The following BRWD1 variants were observed in gnomAD, a reference collection of about 807,000 sequenced individuals.
The protein encoded by BRWD1 is bromodomain and WD repeat-containing protein 1.
In BRWD1, 82 loss-of-function variants were observed where a neutral mutation model predicts 251.2. That is an observed-to-expected ratio of 0.33 (90% CI 0.27 to 0.39). BRWD1 has a LOEUF of 0.39. BRWD1 is among the 10% of genes least tolerant of loss of function. BRWD1 has a pLI of 1.00. For missense variants in BRWD1, 2,233 were observed against 2,711.6 expected (o/e 0.82, Z 3.92); for synonymous variants, 918 against 902.8 (o/e 1.02, Z -0.30).
intron 29 of BRWD1, among the ~76,000 whole-genome samples, chr21:39,222,080 G>A (rs2033199920): frequency 6.6e-6 from 1 of 151,866 alleles, no homozygotes; most frequent in Non-Finnish European, 1.5e-5. Flanking sequence ...TGAAAAAATT[G>A]GAACCCACAT....
At chr21:39,311,167 A>T (rs2036470328) in intron 4 of BRWD1, among the ~76,000 whole-genome samples, 1 of 150,664 alleles carries the variant, frequency 6.6e-6, no homozygotes, top group South Asian at 2.1e-4. Flanking sequence ...ATTTATATAA[A>T]TTTTTTTTTT....
At position 39,199,398 on chromosome 21, in the gene BRWD1, T is replaced by A; in HGVS notation, c.5018A>T (p.Lys1673Met). ...HRNASAVARKKLLHNSEDEQS... is the reference protein window; with the variant it reads ...HRNASAVARKMLLHNSEDEQS... ...TTCATCTTCAGAATTATGTAATAAC[T>A]TTTTTCTAGCTACAGCAGAAGCATT... is the stretch of plus-strand genomic sequence containing the variant. Residue 1673 changes from lysine (K) to methionine (M), a missense_variant, in exon 40 of 41, where the codon AAG becomes ATG. By Grantham distance (95) the Lys-to-Met change is moderately conservative. Around this residue, in one of 12 missense-constraint regions of BRWD1, gnomAD observed 928 missense variants for 970.0 expected, o/e 0.96. Coordinates refer to ENST00000342449, the MANE Select transcript of BRWD1 (RefSeq NM_033656.4). 1 of 1,614,262 alleles carries A rather than the reference T, an allele frequency of 6.2e-7. No homozygotes were observed. The highest frequency in any genetic ancestry group is 8.5e-7 in the Non-Finnish European group (1 of 1,180,050).
chr21:39,223,308 A>C (rs2033254808), intron 29 of BRWD1, among the ~76,000 whole-genome samples: 1 of 152,104 alleles, frequency 6.6e-6, no homozygotes, highest in African/African-American at 2.4e-5. Flanking sequence ...AAGTTTTTTA[A>C]AGTGCTATAA....
In BRWD1 at chr21:39,196,410, C is replaced by G. The variant is rs371734391; in HGVS notation, c.6659G>C (p.Trp2220Ser). 4.3e-6 allele frequency: 7 copies of G among 1,613,660 alleles called. No individual in the cohort carries two copies. Among genetic ancestry groups the G allele is most frequent in the African/African-American group, 1.3e-5 (1 of 74,894 alleles). The change falls in exon 41 of 41, where the codon TGG becomes TCG. Residue 2220 changes from tryptophan (W) to serine (S), a missense_variant. Coordinates refer to ENST00000342449, the MANE Select transcript of BRWD1 (RefSeq NM_033656.4). ...RPRLSVDDND[W>S]EDLDYAKSKR... ...AGATTTTGCATAGTCCAAATCCTCC[C>G]AGTCATTATCATCCACACTTAACCT...
chr21:39,198,730 A>C (rs759428107), intron 40 of BRWD1, 33 bp downstream of exon 40: 6 of 1,515,768 alleles, frequency 4.0e-6, no homozygotes, highest in Non-Finnish European at 5.3e-6. Context: ...GGTGAGAGTC[A>C]ATCAGTGAAC....
intron 29 of BRWD1, 112 bp downstream of exon 29, chr21:39,224,296 T>A (rs1187338301): frequency 3.5e-6 from 2 of 565,994 alleles, no homozygotes; most frequent in Non-Finnish European, 5.9e-6. Flanking sequence ...TCAGTTACTG[T>A]AATAATTTGA....
intron 17 of BRWD1, among the ~76,000 whole-genome samples, chr21:39,262,660 A>G (rs2034792982): frequency 6.6e-6 from 1 of 151,916 alleles, no homozygotes; most frequent in African/African-American, 2.4e-5. Flanking sequence ...GGTTGCAGTG[A>G]GCCAAGATCA....
At chr21:39,287,161 T>C (rs997229676) in intron 8 of BRWD1, among the ~76,000 whole-genome samples, 1 of 152,234 alleles carries the variant, frequency 6.6e-6, no homozygotes, top group Non-Finnish European at 1.5e-5. Context: ...CATTATTATA[T>C]AATCCATATT....
rs373041595 is a variant in BRWD1 at position 39,191,943 on chromosome 21, G to C, written c.*4316C>G. On this transcript the variant is annotated 3_prime_UTR_variant, in exon 41 of 41. Transcript: ENST00000342449. ...TCAAACTATTGGTCTTGCCATACTT[G>C]AGAAACAGATGTATAGTCTAATTAT... is the stretch of plus-strand genomic sequence containing the variant. 14 of 984,886 alleles carry C rather than the reference G, an allele frequency of 1.4e-5. No individual in the cohort carries two copies. In the South Asian group the frequency reaches 6.1e-4, roughly 43 times the overall value. The allele number at this position is 984,886 out of a possible 1,614,324, so 61.0% of individuals were successfully genotyped here.
At chr21:39,308,183 T>C (rs1256824542) in intron 4 of BRWD1, among the ~76,000 whole-genome samples, 1 of 152,066 alleles carries the variant, frequency 6.6e-6, no homozygotes, top group Non-Finnish European at 1.5e-5. Flanking sequence ...CTTCAATTCT[T>C]ATAAGAAGCA....
Position 39,193,192 on chromosome 21 carries a change from T to G in BRWD1, c.*3067A>C. ...TTTCTTATAAACCCAATTTCCTCTT[T>G]AGGTGCAGCTCTACTATTTGAAAGG... On this transcript the variant is annotated 3_prime_UTR_variant, in exon 41 of 41. Coordinates refer to ENST00000342449, the MANE Select transcript of BRWD1 (RefSeq NM_033656.4). The G allele has an allele frequency of 1.0e-6, 1 of 985,178 alleles. No homozygotes were observed. The highest frequency in any genetic ancestry group is 4.7e-5 in the South Asian group (1 of 21,282). The allele number at this position is 985,178 out of a possible 1,614,324, so 61.0% of individuals were successfully genotyped here.
At chr21:39,293,775 A>G in intron 8 of BRWD1, 36 bp downstream of exon 8, 3 of 1,521,666 alleles carry the variant, frequency 2.0e-6, no homozygotes, top group Non-Finnish European at 2.7e-6. Flanking sequence ...AGGTGAAAAT[A>G]CATATAGGAA....
rs184493589 is a variant in BRWD1 at position 39,288,568 on chromosome 21, C to T, written c.831+5243G>A. Among the ~76,000 whole-genome samples, 617 of 152,264 alleles carry T rather than the reference C, an allele frequency of 4.1e-3. 4 individuals are homozygous for T. Among genetic ancestry groups the T allele is most frequent in the Non-Finnish European group, 4.1e-3 (281 of 68,014 alleles). On this transcript the variant is annotated intron_variant, in intron 8 of 40. Transcript: ENST00000342449. ...TTGAACAACGCAGGGGTTAGGGTAC[C>T]AAACCCCCCCAGGCAGTTGAAAATC...
chr21:39,202,633 A>G lies in BRWD1; in HGVS notation c.4365-88T>C, dbSNP rs951279262. The G allele has an allele frequency of 6.0e-6, 5 of 828,094 alleles. No individual in the cohort carries two copies. In the African/African-American group the frequency reaches 6.9e-5, roughly 11 times the overall value. The allele number at this position is 828,094 out of a possible 1,614,324, so 51.3% of individuals were successfully genotyped here. ...GAGAATGACTAAATAGAAGTATATCATATTTCTTAAACTGAGAGTAATTTT... is the reference window on the plus strand; with the variant it reads ...GAGAATGACTAAATAGAAGTATATCGTATTTCTTAAACTGAGAGTAATTTT... On this transcript the variant is annotated intron_variant, in intron 37 of 40. Transcript: ENST00000342449.
At chr21:39,237,078 G>A (rs973794194) in intron 22 of BRWD1, among the ~76,000 whole-genome samples, 1 of 152,000 alleles carries the variant, frequency 6.6e-6, no homozygotes, top group Non-Finnish European at 1.5e-5. Context: ...AAGACAACTA[G>A]CAATTACCCC....
chr21:39,256,481 G>A (rs1224483366), intron 18 of BRWD1, among the ~76,000 whole-genome samples: 1 of 152,196 alleles, frequency 6.6e-6, no homozygotes, highest in Admixed American at 6.5e-5. Context: ...TGCCAGTCGT[G>A]CTTAAACTAA....
Position 39,192,353 on chromosome 21 carries a change from C to T in BRWD1, c.*3906G>A. ...TTTTTCCCACAATGCTCTATTTTCT[C>T]ACCTAGTTTTGACAAATTTATTCCT... is the stretch of plus-strand genomic sequence containing the variant. On this transcript the variant is annotated 3_prime_UTR_variant, in exon 41 of 41. Coordinates refer to ENST00000342449, the MANE Select transcript of BRWD1 (RefSeq NM_033656.4). 1 of 985,182 alleles carries T rather than the reference C, an allele frequency of 1.0e-6. No individual in the cohort carries two copies. The highest frequency in any genetic ancestry group is 4.7e-5 in the South Asian group (1 of 21,272). 61.0% of individuals were successfully genotyped at this position (985,182 alleles called of 1,614,324 possible).
chr21:39,272,412 A>C (rs1375975348), intron 13 of BRWD1, among the ~76,000 whole-genome samples: 1 of 151,242 alleles, frequency 6.6e-6, no homozygotes, highest in Non-Finnish European at 1.5e-5. Context: ...CTGTAGTCTC[A>C]GCTACTCGTG....
At chr21:39,280,382 C>A in intron 8 of BRWD1, 134 bp from the exon 9 acceptor site, 1 of 651,396 alleles carries the variant, frequency 1.5e-6, no homozygotes, top group Non-Finnish European at 2.7e-6. Context: ...GGTAATACTA[C>A]CGTAGTGAAA....
Sources: gnomAD v4.1 joint callset for allele counts (sites outside exome capture counted in the v4.1 genomes callset) on GRCh38, gnomAD v4.1.1 for gene constraint, gnomAD v4.1.1 regional missense constraint, MANE v1.5 for transcripts, NCBI Gene and HGNC (gene_info 2026-07-23, HGNC 2026-07-21) for gene names.